The following PPP1R9A variants were observed in gnomAD, a reference collection of about 807,000 sequenced individuals.
PPP1R9A encodes the protein neurabin-1.
A neutral mutation model predicts 141.9 loss-of-function variants in PPP1R9A; 59 were observed. That is an observed-to-expected ratio of 0.42 (90% confidence interval 0.34 to 0.52). PPP1R9A has a LOEUF of 0.52. Among genes scored for constraint, PPP1R9A ranks in the 20% least tolerant of loss-of-function variants. The pLI, the probability that PPP1R9A is intolerant of heterozygous loss-of-function variation, is 0.10. For synonymous variants in PPP1R9A, 500 were observed against 569.7 expected, an observed-to-expected ratio of 0.88 and a Z score of 1.74; for missense variants, 1,444 against 1,611.9, an observed-to-expected ratio of 0.90 and a Z score of 1.78.
At chr7:94,980,341 C>CGT (rs1184802034) in intron 2 of PPP1R9A, among the ~76,000 whole-genome samples, 1 of 151,968 alleles carries the variant, frequency 6.6e-6, no homozygotes, top group East Asian at 1.9e-4. Context: ...CATTTATGTG[C>CGT]GTGTGTGTGT....
intron 2 of PPP1R9A, among the ~76,000 whole-genome samples, chr7:95,108,458 C>A (rs969017319): frequency 6.6e-6 from 1 of 151,378 alleles, no homozygotes; most frequent in Non-Finnish European, 1.5e-5. Flanking sequence ...CTACAGGTGC[C>A]TGCCACCACA....
At chr7:95,270,608 A>T (rs1433963144) in intron 14 of PPP1R9A, among the ~76,000 whole-genome samples, 4 of 152,196 alleles carry the variant, frequency 2.6e-5, no homozygotes, top group Non-Finnish European at 5.9e-5. Flanking sequence ...ATATGCCAGT[A>T]GAAGGCATGA....
At chr7:95,064,431 C>A (rs1318153361) in intron 2 of PPP1R9A, among the ~76,000 whole-genome samples, 1 of 152,180 alleles carries the variant, frequency 6.6e-6, no homozygotes, top group Non-Finnish European at 1.5e-5. Flanking sequence ...CTAGACAGCA[C>A]TTTGGCACTG....
At chr7:95,012,518 A>C (rs1035024704) in intron 2 of PPP1R9A, among the ~76,000 whole-genome samples, 1 of 151,878 alleles carries the variant, frequency 6.6e-6, no homozygotes, top group Non-Finnish European at 1.5e-5. Context: ...TCAAACCTGT[A>C]CTCTGTTGTC....
At chr7:95,279,155 G>A (rs75033567) in intron 16 of PPP1R9A, among the ~76,000 whole-genome samples, 12,047 of 152,222 alleles carry the variant, frequency 0.079, 570 homozygotes, top group Admixed American at 0.12. Flanking sequence ...GGGCTATATG[G>A]ATTATACTTC....
chr7:95,250,005 C>T (rs1394550067), intron 9 of PPP1R9A, 21 bp from the exon 10 acceptor site: 1 of 1,562,552 alleles, frequency 6.4e-7, no homozygotes, highest in Non-Finnish European at 8.6e-7. Context: ...TTATCTTTGC[C>T]TTGACGTTTG....
In PPP1R9A at chr7:95,293,865, T is replaced by A. The variant is rs1806705292; in HGVS notation, c.*3562T>A. 6.6e-6 allele frequency: 1 copy of A among 152,226 alleles called. No homozygotes were observed. The highest frequency in any genetic ancestry group is 2.1e-4 in the South Asian group (1 of 4,830). 9.4% of individuals were successfully genotyped at this position (152,226 alleles called of 1,614,324 possible). Reference sequence around the variant, plus strand: ...AGATACTCTGATTCATGTTTAAGTGTTAAAGGTTATGCAGACTAAACTTCA... The same window carrying A: ...AGATACTCTGATTCATGTTTAAGTGATAAAGGTTATGCAGACTAAACTTCA... On this transcript the variant is annotated 3_prime_UTR_variant, in exon 20 of 20. Transcript: ENST00000433360.
chr7:94,948,996 G>A (rs1391044785), intron 2 of PPP1R9A, among the ~76,000 whole-genome samples: 4 of 152,278 alleles, frequency 2.6e-5, no homozygotes, highest in East Asian at 3.9e-4. Flanking sequence ...ATGGCCTAAT[G>A]TTTTTACCTT....
At chr7:95,205,605 C>T (rs1790618232) in intron 7 of PPP1R9A, among the ~76,000 whole-genome samples, 1 of 152,158 alleles carries the variant, frequency 6.6e-6, no homozygotes, top group African/African-American at 2.4e-5. Flanking sequence ...CCATCGGGAT[C>T]CCCTGGATTT....
intron 2 of PPP1R9A, among the ~76,000 whole-genome samples, 164 bp from the exon 3 acceptor site, chr7:95,111,082 GTAAGTTACTTTTA>G (rs1372634500): frequency 5.3e-5 from 8 of 152,144 alleles, no homozygotes; most frequent in African/African-American, 1.7e-4. Context: ...TTAAAAATTA[GTAAGTTACTTTTA>G]TACTGACTCA....
Position 95,092,950 on chromosome 7 carries a change from G to A in PPP1R9A, c.1396-18309G>A, listed in dbSNP as rs1817553124. On this transcript the variant is annotated intron_variant, in intron 2 of 19. Transcript: ENST00000433360. ...GCTATAATTGCTTTGTCTATGTCAGGGTGACTTGTAAGAAGCAAATGGACA... is the reference window on the plus strand; with the variant it reads ...GCTATAATTGCTTTGTCTATGTCAGAGTGACTTGTAAGAAGCAAATGGACA... 2.0e-5 allele frequency among the ~76,000 whole-genome samples: 3 copies of A among 152,132 alleles called. No homozygotes were observed. In the South Asian group the frequency reaches 6.2e-4, roughly 32 times the overall value.
chr7:94,978,215 A>G (rs981040018), intron 2 of PPP1R9A, among the ~76,000 whole-genome samples: 9 of 152,224 alleles, frequency 5.9e-5, no homozygotes, highest in African/African-American at 2.2e-4. Flanking sequence ...GTGATTTCTT[A>G]TAAGATACCT....
intron 8 of PPP1R9A, among the ~76,000 whole-genome samples, chr7:95,237,755 C>T (rs911349277): frequency 2.0e-5 from 3 of 152,006 alleles, no homozygotes; most frequent in Admixed American, 1.3e-4. Context: ...CTTTATGGTG[C>T]ACTTTGTCCC....
At chr7:95,052,172 C>A (rs1399124793) in intron 2 of PPP1R9A, among the ~76,000 whole-genome samples, 3 of 152,042 alleles carry the variant, frequency 2.0e-5, no homozygotes, top group African/African-American at 7.2e-5. Context: ...CCTCTCTTTA[C>A]TATAAGGAAA....
intron 7 of PPP1R9A, 67 bp from the exon 8 acceptor site, chr7:95,225,894 A>G: frequency 6.7e-7 from 1 of 1,502,046 alleles, no homozygotes; most frequent in Non-Finnish European, 9.0e-7. Flanking sequence ...TTTATAAAAT[A>G]TTTTCAAATA....
At chr7:94,999,822 G>T (rs867606598) in intron 2 of PPP1R9A, among the ~76,000 whole-genome samples, 10 of 120,842 alleles carry the variant, frequency 8.3e-5, no homozygotes, top group South Asian at 2.7e-4. Context: ...TATTTATTTA[G>T]ATAGAGTCTC....
intron 2 of PPP1R9A, among the ~76,000 whole-genome samples, chr7:95,083,044 T>TG (rs1446755278): frequency 6.6e-6 from 1 of 151,880 alleles, no homozygotes; most frequent in African/African-American, 2.4e-5. Flanking sequence ...CGTGAGCCAC[T>TG]GCGCCCAGCC....
intron 8 of PPP1R9A, among the ~76,000 whole-genome samples, chr7:95,240,577 G>A (rs1797309822): frequency 1.3e-5 from 2 of 151,350 alleles, no homozygotes; most frequent in African/African-American, 4.9e-5. Context: ...TTTTTATTGG[G>A]TAAAATATAC....
Position 94,932,878 on chromosome 7 carries a change from G to C in PPP1R9A, c.1395+21370G>C, listed in dbSNP as rs560751175. ...CACATACCTGAGAGACAGATGGTTG[G>C]GAGTGCAGTAAATATATGTGGAACA... On this transcript the variant is annotated intron_variant, in intron 2 of 19. Transcript: ENST00000433360. Among the ~76,000 whole-genome samples, 4 of 151,512 alleles carry C rather than the reference G, an allele frequency of 2.6e-5. No individual in the cohort carries two copies. The South Asian group carries it at 8.4e-4, about 32-fold the overall frequency.
Sources: gnomAD v4.1 joint callset for allele counts (sites outside exome capture counted in the v4.1 genomes callset) on GRCh38, gnomAD v4.1.1 for gene constraint, MANE v1.5 for transcripts, NCBI Gene and HGNC (gene_info 2026-07-23, HGNC 2026-07-21) for gene names.